ADGB: variants seen among roughly 807,000 people sequenced by gnomAD.
The protein encoded by ADGB is calpain-7-like protein.
ADGB carries 172 observed loss-of-function variants against 210.5 expected under a neutral mutation model. That is an observed-to-expected ratio of 0.82 (90% CI 0.72 to 0.93). The LOEUF (loss-of-function observed/expected upper bound fraction) is 0.93. Ranked by LOEUF, ADGB falls within the 40% of genes least tolerant of loss-of-function variation. The pLI is 0.00. For synonymous variants in ADGB, 658 were observed against 662.7 expected (o/e 0.99, Z 0.11); for missense variants, 2,025 against 1,964.8 (o/e 1.03, Z -0.58).
intron 13 of ADGB, among the ~76,000 whole-genome samples, chr6:146,707,282 G>C (rs958408342): frequency 6.6e-6 from 1 of 152,120 alleles, no homozygotes; most frequent in Non-Finnish European, 1.5e-5. Context: ...AATGTTCCTT[G>C]TGAGCTTGAG....
chr6:146,752,382 T>C, intron 26 of ADGB, 148 bp from the exon 27 acceptor site: 1 of 644,338 alleles, frequency 1.6e-6, no homozygotes. Context: ...CAAGATCCAA[T>C]TACCTCTCAC....
intron 1 of ADGB, among the ~76,000 whole-genome samples, chr6:146,623,731 A>T (rs1252531938): frequency 6.6e-6 from 1 of 151,914 alleles, no homozygotes; most frequent in Non-Finnish European, 1.5e-5. Context: ...GTTTCTGTAG[A>T]TGTCATTTAT....
intron 30 of ADGB, among the ~76,000 whole-genome samples, chr6:146,783,383 T>G (rs1419944783): frequency 1.3e-5 from 2 of 152,252 alleles, no homozygotes; most frequent in South Asian, 2.1e-4. Flanking sequence ...TTAGCTGAAG[T>G]CTACCCTTAG....
In ADGB at chr6:146,734,002, T is replaced by G. The variant is rs554511055; in HGVS notation, c.2766T>G (p.Val922=). The G allele has an allele frequency of 1.3e-6, 2 of 1,551,538 alleles. No homozygotes were observed. The highest frequency in any genetic ancestry group is 8.7e-7 in the Non-Finnish European group (1 of 1,146,902). ...AAGCCATGTGGAGAGGAACTTACGT[T>G]AGATTGCTTATGAAAGCCAGAATAC... is the stretch of plus-strand genomic sequence containing the variant. ...KIQAMWRGTY[V]RLLMKARIPD... Residue 922 remains valine, a synonymous_variant, in exon 22 of 36, where the codon GTT becomes GTG. Coordinates refer to ENST00000397944, the MANE Select transcript of ADGB (RefSeq NM_024694.4).
Position 146,788,394 on chromosome 6 carries a change from A to C in ADGB, c.4321A>C (p.Thr1441Pro). 1 of 1,551,502 alleles carries C rather than the reference A, an allele frequency of 6.4e-7. No homozygotes were observed. The highest frequency in any genetic ancestry group is 8.7e-7 in the Non-Finnish European group (1 of 1,146,826). Residue 1441 changes from threonine to proline, a missense_variant, in exon 33 of 36, where the codon ACA becomes CCA. Transcript: ENST00000397944. ...SQTKPKEEVE[T>P]AARGVKEPNS... Reference sequence around the variant, plus strand: ...ATGCACATGTCATGTTGTAGTAGAAACAGCTGCACGTGGCGTAAAAGAACC... The same window carrying C: ...ATGCACATGTCATGTTGTAGTAGAACCAGCTGCACGTGGCGTAAAAGAACC...
intron 3 of ADGB, among the ~76,000 whole-genome samples, chr6:146,651,974 G>T (rs1177350061): frequency 6.6e-6 from 1 of 152,098 alleles, no homozygotes; most frequent in African/African-American, 2.4e-5. Flanking sequence ...CAACCAAAAA[G>T]GTTAACAAGT....
At chr6:146,756,009 C>A (rs750283267) in intron 27 of ADGB, among the ~76,000 whole-genome samples, 4 of 151,946 alleles carry the variant, frequency 2.6e-5, no homozygotes, top group Non-Finnish European at 5.9e-5. Flanking sequence ...AATACAGATT[C>A]CAGTGGTGAC....
chr6:146,794,306 A>G (rs1407838728), intron 33 of ADGB, among the ~76,000 whole-genome samples: 1 of 152,088 alleles, frequency 6.6e-6, no homozygotes, highest in Non-Finnish European at 1.5e-5. Context: ...TCATTTTCCC[A>G]TACTCCTAGA....
At chr6:146,652,035 T>A (rs143639982) in intron 3 of ADGB, among the ~76,000 whole-genome samples, 407 of 152,200 alleles carry the variant, frequency 2.7e-3, no homozygotes, top group African/African-American at 9.1e-3. Context: ...CAACTAGAAA[T>A]GAGTGGCCCA....
chr6:146,753,729 C>T (rs1469845710), intron 27 of ADGB, among the ~76,000 whole-genome samples: 5 of 151,784 alleles, frequency 3.3e-5, no homozygotes, highest in Non-Finnish European at 7.4e-5. Flanking sequence ...TTTTGAATCA[C>T]TCTTGCATTC....
At chr6:146,659,108 T>G in intron 5 of ADGB, among the ~76,000 whole-genome samples, 1 of 152,202 alleles carries the variant, frequency 6.6e-6, no homozygotes. Context: ...GTCAATTCTG[T>G]CTTACATGCA....
At chr6:146,691,338 C>T (rs1339040973) in intron 11 of ADGB, 48 bp downstream of exon 11, 2 of 1,413,766 alleles carry the variant, frequency 1.4e-6, no homozygotes, top group Non-Finnish European at 1.9e-6. Flanking sequence ...GTATGAAAGT[C>T]TAACAGTTTC....
intron 4 of ADGB, among the ~76,000 whole-genome samples, chr6:146,655,904 T>G (rs1247982671): frequency 2.0e-5 from 3 of 152,146 alleles, no homozygotes; most frequent in Non-Finnish European, 4.4e-5. Context: ...AAATATTTAA[T>G]TTCCTTATAA....
intron 35 of ADGB, among the ~76,000 whole-genome samples, chr6:146,813,058 C>T (rs1778325470): frequency 6.6e-6 from 1 of 152,108 alleles, no homozygotes; most frequent in African/African-American, 2.4e-5. Flanking sequence ...GGCCTGATTT[C>T]CCAATGACCT....
chr6:146,685,041 A>G (rs1360224008), intron 9 of ADGB, among the ~76,000 whole-genome samples: 1 of 152,062 alleles, frequency 6.6e-6, no homozygotes, highest in Non-Finnish European at 1.5e-5. Context: ...AAATGTCAGT[A>G]TGTACGTTTG....
chr6:146,709,522 A>G (rs932118341), intron 13 of ADGB, among the ~76,000 whole-genome samples: 25 of 152,154 alleles, frequency 1.6e-4, no homozygotes. Flanking sequence ...TCTAGAATGT[A>G]TGTCCTTGGA....
chr6:146,788,986 T>A (rs1583639878), intron 33 of ADGB, among the ~76,000 whole-genome samples: 1 of 152,214 alleles, frequency 6.6e-6, no homozygotes, highest in Non-Finnish European at 1.5e-5. Flanking sequence ...TTACCTTTCA[T>A]AGCAAATTTT....
intron 23 of ADGB, among the ~76,000 whole-genome samples, chr6:146,738,319 T>TAGCC (rs1431218722): frequency 6.6e-6 from 1 of 152,078 alleles, no homozygotes; most frequent in Non-Finnish European, 1.5e-5. Flanking sequence ...TTCTGAAGCC[T>TAGCC]AGCCTTTCAT....
At chr6:146,602,047 C>T (rs1780563498) in intron 1 of ADGB, among the ~76,000 whole-genome samples, 1 of 152,144 alleles carries the variant, frequency 6.6e-6, no homozygotes, top group Non-Finnish European at 1.5e-5. Flanking sequence ...AACTTTGAAT[C>T]ACCAAGAAAA....
Sources: gnomAD v4.1 joint callset for allele counts (sites outside exome capture counted in the v4.1 genomes callset) on GRCh38, gnomAD v4.1.1 for gene constraint, MANE v1.5 for transcripts, NCBI Gene and HGNC (gene_info 2026-07-23, HGNC 2026-07-21) for gene names.